The following TRAPPC9 variants were observed in gnomAD, a reference collection of about 807,000 sequenced individuals.
TRAPPC9 encodes IKK2 binding protein.
A neutral mutation model predicts 124.0 loss-of-function variants in TRAPPC9; 83 were observed. The observed-to-expected ratio is 0.67, with a 90% CI of 0.56 to 0.80. The LOEUF is 0.80. TRAPPC9 is among the 30% of genes least tolerant of loss of function. TRAPPC9 has a pLI of 0.00. For synonymous variants in TRAPPC9, 638 were observed against 617.5 expected (o/e 1.03, Z -0.49); for missense variants, 1,302 against 1,508.3 (o/e 0.86, Z 2.27).
chr8:140,275,835 A>C lies in TRAPPC9; in HGVS notation c.2115-14T>G. 1 of 1,602,290 alleles carries C rather than the reference A, an allele frequency of 6.2e-7. No homozygotes were observed. The highest frequency in any genetic ancestry group is 8.5e-7 in the Non-Finnish European group (1 of 1,169,942). On this transcript the variant is annotated splice_polypyrimidine_tract_variant and intron_variant, in intron 14 of 22. Coordinates refer to ENST00000438773, the MANE Select transcript of TRAPPC9 (RefSeq NM_001160372.4). ...GAATGTGCAGATCTAAAATAAGAAG[A>C]AGAAATTTAAAGAAGAAAGAAGGAA...
intron 21 of TRAPPC9, among the ~76,000 whole-genome samples, chr8:139,793,113 C>A (rs1369630687): frequency 6.6e-6 from 1 of 152,146 alleles, no homozygotes; most frequent in East Asian, 1.9e-4. Flanking sequence ...CCAGCCTCTG[C>A]CACTTACTAA....
chr8:139,762,111 C>T (rs1050487198), intron 21 of TRAPPC9, among the ~76,000 whole-genome samples: 8 of 151,618 alleles, frequency 5.3e-5, no homozygotes, highest in South Asian at 2.1e-4. Flanking sequence ...CCCTGCAGCC[C>T]GAGTGAGGGC....
At chr8:140,418,734 ATAG>A (rs2070038962) in intron 5 of TRAPPC9, among the ~76,000 whole-genome samples, 1 of 136,428 alleles carries the variant, frequency 7.3e-6, no homozygotes, top group African/African-American at 2.6e-5. Context: ...AGATAGATAG[ATAG>A]ATAGATAGAT....
chr8:140,170,647 T>C (rs2061949311), intron 17 of TRAPPC9, among the ~76,000 whole-genome samples: 1 of 152,192 alleles, frequency 6.6e-6, no homozygotes, highest in East Asian at 1.9e-4. Context: ...GGGAAACTGA[T>C]GAGGATCAGA....
chr8:140,300,942 G>C (rs544435549), intron 10 of TRAPPC9, among the ~76,000 whole-genome samples: 1 of 152,312 alleles, frequency 6.6e-6, no homozygotes, highest in East Asian at 1.9e-4. Context: ...GTGTGCCTTT[G>C]GGCACGTGCC....
At chr8:140,367,951 A>G (rs1437536381) in intron 8 of TRAPPC9, among the ~76,000 whole-genome samples, 1 of 152,202 alleles carries the variant, frequency 6.6e-6, no homozygotes, top group Non-Finnish European at 1.5e-5. Flanking sequence ...AACACCGAGG[A>G]AAAAGAAATT....
At chr8:139,976,126 C>T (rs564690810) in intron 19 of TRAPPC9, among the ~76,000 whole-genome samples, 4 of 152,012 alleles carry the variant, frequency 2.6e-5, no homozygotes, top group African/African-American at 7.2e-5. Context: ...CTCCTGACCT[C>T]GTGATCCGCT....
At position 140,275,840 on chromosome 8, in the gene TRAPPC9, A is replaced by T. The variant is rs1472738659; in HGVS notation, c.2115-19T>A. 2 of 1,602,104 alleles carry T rather than the reference A, an allele frequency of 1.2e-6. No individual in the cohort carries two copies. Among genetic ancestry groups the T allele is most frequent in the Non-Finnish European group, 1.7e-6 (2 of 1,169,846 alleles). ...TGCAGATCTAAAATAAGAAGAAGAAATTTAAAGAAGAAAGAAGGAAGAAGC... is the reference window on the plus strand; with the variant it reads ...TGCAGATCTAAAATAAGAAGAAGAATTTTAAAGAAGAAAGAAGGAAGAAGC... On this transcript the variant is annotated intron_variant, in intron 14 of 22. Transcript: ENST00000438773.
At chr8:139,830,197 T>C (rs1009138361) in intron 21 of TRAPPC9, among the ~76,000 whole-genome samples, 1 of 150,922 alleles carries the variant, frequency 6.6e-6, no homozygotes, top group Non-Finnish European at 1.5e-5. Flanking sequence ...TACAAACACA[T>C]ACACACACAT....
chr8:140,266,360 C>T (rs1057063749), intron 15 of TRAPPC9, among the ~76,000 whole-genome samples: 3 of 150,552 alleles, frequency 2.0e-5, no homozygotes, highest in East Asian at 2.0e-4. Context: ...CTACTTGGAA[C>T]GCTAAGGCAG....
chr8:139,746,893 G>C (rs965789360), intron 21 of TRAPPC9, among the ~76,000 whole-genome samples: 1 of 152,196 alleles, frequency 6.6e-6, no homozygotes, highest in Non-Finnish European at 1.5e-5. Flanking sequence ...TTTGCACCAG[G>C]AACGCCTTGG....
intron 17 of TRAPPC9, among the ~76,000 whole-genome samples, chr8:140,156,150 C>G (rs984009287): frequency 5.3e-5 from 8 of 152,214 alleles, no homozygotes; most frequent in African/African-American, 1.9e-4. Context: ...CACCACAACA[C>G]CAGGCTACCA....
chr8:139,907,144 A>G lies in TRAPPC9; in HGVS notation c.2964+3003T>C, dbSNP rs1831412704. Among the ~76,000 whole-genome samples, 1 of 152,092 alleles carries G rather than the reference A, an allele frequency of 6.6e-6. No individual in the cohort carries two copies. The highest frequency in any genetic ancestry group is 2.1e-4 in the South Asian group (1 of 4,824). On this transcript the variant is annotated intron_variant, in intron 20 of 22. Coordinates refer to ENST00000438773, the MANE Select transcript of TRAPPC9 (RefSeq NM_001160372.4). The surrounding 1 kb of genome is among the most constrained non-coding windows in gnomAD (Gnocchi z 4.7). Reference sequence around the variant, plus strand: ...CTAAGAACAAGCAAATCTGTACCATATTTGTCATTAACAGGTGAAGAGTGG... The same window carrying G: ...CTAAGAACAAGCAAATCTGTACCATGTTTGTCATTAACAGGTGAAGAGTGG...
At chr8:140,427,968 C>T (rs1028052528) in intron 4 of TRAPPC9, among the ~76,000 whole-genome samples, 21 of 152,156 alleles carry the variant, frequency 1.4e-4, no homozygotes, top group African/African-American at 5.1e-4. Flanking sequence ...TATTAACCCT[C>T]CCTGCCTATG....
At chr8:139,755,926 T>C (rs1264655061) in intron 21 of TRAPPC9, among the ~76,000 whole-genome samples, 1 of 108,254 alleles carries the variant, frequency 9.2e-6, no homozygotes, top group Non-Finnish European at 1.8e-5. Context: ...AGCCAGGGTT[T>C]GGGGATGAGG....
chr8:139,760,022 A>AC (rs1308893424), intron 21 of TRAPPC9, among the ~76,000 whole-genome samples: 1 of 151,722 alleles, frequency 6.6e-6, no homozygotes, highest in Non-Finnish European at 1.5e-5. Context: ...GTCATGTCTG[A>AC]CCCCCCGTGC....
At chr8:139,972,650 A>G (rs1836177839) in intron 19 of TRAPPC9, among the ~76,000 whole-genome samples, 1 of 152,182 alleles carries the variant, frequency 6.6e-6, no homozygotes, top group Non-Finnish European at 1.5e-5. Flanking sequence ...GACTTGGCCC[A>G]GAGCAACACA....
chr8:139,806,714 T>C (rs1293141231), intron 21 of TRAPPC9, among the ~76,000 whole-genome samples: 1 of 152,200 alleles, frequency 6.6e-6, no homozygotes, highest in Admixed American at 6.5e-5. Flanking sequence ...AGAGTCCATT[T>C]CTGTTGCTGG....
chr8:139,853,513 G>A (rs1302309929), intron 21 of TRAPPC9, among the ~76,000 whole-genome samples: 1 of 152,214 alleles, frequency 6.6e-6, no homozygotes, highest in East Asian at 1.9e-4. Context: ...CACAAGTCAG[G>A]TGTTCAAGAA....
Sources: allele counts gnomAD v4.1 joint callset (sites outside exome capture counted in the v4.1 genomes callset), GRCh38; gene constraint gnomAD v4.1.1; non-coding constraint Gnocchi (gnomAD v3.1); transcripts MANE v1.5; gene names NCBI Gene and HGNC (gene_info 2026-07-23, HGNC 2026-07-21).